The following DAB1 variants were observed in gnomAD, a reference collection of about 807,000 sequenced individuals.
The protein encoded by DAB1 is disabled homolog 1.
Under a neutral mutation model 64.6 loss-of-function variants are expected in DAB1, and 15 were observed. The ratio of observed to expected loss-of-function variants is 0.23; its 90% confidence interval spans 0.16 to 0.36. The LOEUF is 0.36. Ranked by LOEUF, DAB1 falls within the 10% of genes least tolerant of loss-of-function variation. DAB1 has a pLI of 1.00. For synonymous variants in DAB1, 235 were observed against 251.9 expected (o/e 0.93, Z 0.64); for missense variants, 596 against 706.7 (o/e 0.84, Z 1.78).
intron 2 of DAB1, among the ~76,000 whole-genome samples, chr1:57,206,968 C>CT (rs201111039): frequency 0.088 from 7,412 of 84,372 alleles, 520 homozygotes; most frequent in African/African-American, 0.1. Flanking sequence ...TCCTTCCTTC[C>CT]TTTTTTTTTT....
intron 4 of DAB1, among the ~76,000 whole-genome samples, chr1:58,294,818 G>A (rs1661929189): frequency 6.6e-6 from 1 of 150,918 alleles, no homozygotes; most frequent in Admixed American, 6.6e-5. Flanking sequence ...GCTAGCATGC[G>A]GGATTTACAC....
At chr1:58,068,765 C>CAA (rs35122490) in intron 5 of DAB1, among the ~76,000 whole-genome samples, 15 of 85,344 alleles carry the variant, frequency 1.8e-4, no homozygotes, top group Admixed American at 3.7e-4. Context: ...GACTCCATCT[C>CAA]AAAAAAAAAA....
chr1:57,526,773 C>T (rs952275621), intron 7 of DAB1, among the ~76,000 whole-genome samples: 1 of 152,174 alleles, frequency 6.6e-6, no homozygotes, highest in Non-Finnish European at 1.5e-5. Flanking sequence ...AATAACCCTG[C>T]AATTATGTAG....
chr1:57,343,517 G>A (rs1677821006), intron 1 of DAB1, among the ~76,000 whole-genome samples: 1 of 152,184 alleles, frequency 6.6e-6, no homozygotes, highest in Non-Finnish European at 1.5e-5. Context: ...GCTCATTGGG[G>A]AGGCTCCGCC....
At chr1:57,327,810 T>A (rs974359408) in intron 1 of DAB1, among the ~76,000 whole-genome samples, 1 of 152,146 alleles carries the variant, frequency 6.6e-6, no homozygotes, top group African/African-American at 2.4e-5. Context: ...TTGCCAGAGT[T>A]ACTTTTCCTA....
chr1:57,636,703 G>A (rs1375401629), intron 7 of DAB1, among the ~76,000 whole-genome samples: 1 of 152,188 alleles, frequency 6.6e-6, no homozygotes, highest in Non-Finnish European at 1.5e-5. Flanking sequence ...GGTTCTGACT[G>A]AGCACCTGGA....
chr1:58,249,208 C>G (rs1388408175), intron 4 of DAB1, among the ~76,000 whole-genome samples: 2 of 151,930 alleles, frequency 1.3e-5, no homozygotes, highest in African/African-American at 2.4e-5. Context: ...TCTCTCTCTC[C>G]TACTGCACCC....
chr1:57,476,360 A>G (rs558126643), intron 7 of DAB1, among the ~76,000 whole-genome samples: 1 of 152,092 alleles, frequency 6.6e-6, no homozygotes, highest in South Asian at 2.1e-4. Context: ...TTTTATTGAC[A>G]TTTGTCTGTC....
chr1:57,218,511 T>A (rs1366177424), intron 2 of DAB1, among the ~76,000 whole-genome samples: 37 of 80,826 alleles, frequency 4.6e-4, no homozygotes, highest in South Asian at 1.4e-3. Flanking sequence ...GAGACCCCCA[T>A]CTCTAAAAAA....
chr1:57,165,922 G>T (rs1661175485), intron 2 of DAB1, among the ~76,000 whole-genome samples: 1 of 152,216 alleles, frequency 6.6e-6, no homozygotes, highest in Non-Finnish European at 1.5e-5. Context: ...TGCAAAGGAA[G>T]CACCGAGGAA....
At chr1:57,935,178 G>A (rs576151834) in intron 5 of DAB1, among the ~76,000 whole-genome samples, 23 of 152,278 alleles carry the variant, frequency 1.5e-4, no homozygotes, top group African/African-American at 4.3e-4. Context: ...AAGAAGGAGG[G>A]TTTAGTGGTT....
chr1:57,491,006 T>A (rs1395794799), intron 7 of DAB1, among the ~76,000 whole-genome samples: 4 of 152,246 alleles, frequency 2.6e-5, no homozygotes, highest in Non-Finnish European at 1.5e-5. Context: ...AGAGAAGGCT[T>A]ATACTGCAAC....
At chr1:57,393,541 T>C (rs1357842795) in intron 1 of DAB1, among the ~76,000 whole-genome samples, 2 of 151,760 alleles carry the variant, frequency 1.3e-5, no homozygotes, top group African/African-American at 2.4e-5. Flanking sequence ...AAAAAAAATA[T>C]AAAAATTAGC....
chr1:57,473,970 G>C (rs532898619), intron 7 of DAB1, among the ~76,000 whole-genome samples: 1 of 152,034 alleles, frequency 6.6e-6, no homozygotes, highest in African/African-American at 2.4e-5. Flanking sequence ...CCAGATTTAC[G>C]ATCAATATAA....
At chr1:58,337,499 T>C (rs988428181) in intron 4 of DAB1, among the ~76,000 whole-genome samples, 6 of 152,114 alleles carry the variant, frequency 3.9e-5, no homozygotes, top group Non-Finnish European at 7.4e-5. Context: ...CATAATACAG[T>C]GGGGAAGAAT....
intron 7 of DAB1, among the ~76,000 whole-genome samples, chr1:57,604,668 CCT>C (rs1457080509): frequency 6.6e-6 from 1 of 152,152 alleles, no homozygotes; most frequent in Non-Finnish European, 1.5e-5. Flanking sequence ...ACATATTCAA[CCT>C]CTCCAGGTGT....
chr1:58,466,497 G>T (rs1645297137), intron 3 of DAB1, among the ~76,000 whole-genome samples: 1 of 152,146 alleles, frequency 6.6e-6, no homozygotes, highest in Non-Finnish European at 1.5e-5. Context: ...GGGCCCAAGG[G>T]AGGTCCCTGA....
Position 58,457,621 on chromosome 1 carries a change from C to T in DAB1, n.257+48439G>A, listed in dbSNP as rs1261335559. On this transcript the variant is annotated intron_variant and non_coding_transcript_variant, in intron 3 of 20. Coordinates refer to the DAB1 transcript ENST00000485760. ...AAAATAACGAAGGTGACATTTAGGG[C>T]TGCTCTGGCCTCCCTGTCATGGAGT... is the stretch of plus-strand genomic sequence containing the variant. Among the ~76,000 whole-genome samples, 4 of 152,214 alleles carry T rather than the reference C, an allele frequency of 2.6e-5. No homozygotes were observed. In the East Asian group the frequency reaches 7.7e-4, roughly 29 times the overall value.
chr1:57,692,324 G>T (rs756836306), intron 6 of DAB1, among the ~76,000 whole-genome samples: 40 of 152,064 alleles, frequency 2.6e-4, no homozygotes, highest in Non-Finnish European at 4.9e-4. Context: ...AAACTAAGAA[G>T]AGGGGAGAAC....
Sources: gnomAD v4.1 joint callset for allele counts (sites outside exome capture counted in the v4.1 genomes callset) on GRCh38, gnomAD v4.1.1 for gene constraint, MANE v1.5 for transcripts, NCBI Gene and HGNC (gene_info 2026-07-23, HGNC 2026-07-21) for gene names.